The following ACSL4 variants were observed in gnomAD, a reference collection of about 807,000 sequenced individuals.
ACSL4 encodes long-chain-fatty-acid--CoA ligase 4.
A neutral mutation model predicts 49.1 loss-of-function variants in ACSL4; 9 were observed. The ratio of observed to expected loss-of-function variants is 0.18; its 90% CI spans 0.11 to 0.32. The LOEUF is 0.32. ACSL4 is among the 10% of genes least tolerant of loss of function. The pLI, the probability that ACSL4 is intolerant of heterozygous loss-of-function variation, is 1.00. For synonymous variants in ACSL4, 191 were observed against 170.3 expected (o/e 1.12, Z -0.95); for missense variants, 333 against 493.7 (o/e 0.67, Z 3.08).
intron 9 of ACSL4, among the ~76,000 whole-genome samples, chrX:109,673,132 T>C (rs1923405971): frequency 8.9e-6 from 1 of 111,987 alleles, no homozygotes; most frequent in African/African-American, 3.2e-5. Context: ...AAATCGGAGA[T>C]TACTTCTTTA....
At chrX:109,706,127 C>CA (rs1569438431) in intron 1 of ACSL4, among the ~76,000 whole-genome samples, 1 of 112,597 alleles carries the variant, frequency 8.9e-6, no homozygotes, top group Non-Finnish European at 1.9e-5. Context: ...ATTTATTCAT[C>CA]TACTCTTTAC....
intron 1 of ACSL4, among the ~76,000 whole-genome samples, chrX:109,704,340 C>T (rs1926189168): frequency 8.9e-6 from 1 of 111,996 alleles, no homozygotes; most frequent in Non-Finnish European, 1.9e-5. Flanking sequence ...ATCTTAGACC[C>T]ATTCTCTTCA....
At chrX:109,680,173 GTC>G (rs1047882775) in intron 6 of ACSL4, among the ~76,000 whole-genome samples, 1 of 111,425 alleles carries the variant, frequency 9.0e-6, no homozygotes, top group Admixed American at 9.5e-5. Flanking sequence ...GTAAAAAACT[GTC>G]CCTCATCTCA....
At chrX:109,682,577 A>G (rs1924249060) in intron 4 of ACSL4, 142 bp downstream of exon 4, 7 of 689,523 alleles carry the variant, frequency 1.0e-5, no homozygotes, top group Non-Finnish European at 1.6e-5. Flanking sequence ...TTTAGCCACA[A>G]TATTACATGC....
At position 109,674,383 on chromosome X, in the gene ACSL4, A is replaced by G; in HGVS notation, c.1002+19T>C. 8.6e-7 allele frequency: 1 copy of G among 1,161,609 alleles called. No homozygotes were observed. The highest frequency in any genetic ancestry group is 1.8e-5 in the South Asian group (1 of 55,875). ...ATATAAACAATCCTCTTATGTTCAT[A>G]TTCATATTCTGTACTCACCGGAACA... On this transcript the variant is annotated intron_variant, in intron 9 of 15. Coordinates refer to ENST00000672401, the MANE Select transcript of ACSL4 (RefSeq NM_001318510.2).
At chrX:109,706,151 G>A (rs1464857501) in intron 1 of ACSL4, among the ~76,000 whole-genome samples, 2 of 112,392 alleles carry the variant, frequency 1.8e-5, no homozygotes, top group African/African-American at 3.2e-5. Context: ...CTTCACAGAG[G>A]TTGTAAGAAT....
intron 1 of ACSL4, among the ~76,000 whole-genome samples, chrX:109,721,292 G>A (rs1927529936): frequency 8.9e-6 from 1 of 112,189 alleles, no homozygotes; most frequent in Admixed American, 9.5e-5. Flanking sequence ...ATCTTAGCAG[G>A]GCAGCTCTGC....
rs995696145 is a variant in ACSL4, at chrX:109,731,081, G to A, written c.-66+2058C>T. Among the ~76,000 whole-genome samples, 3 of 111,640 alleles carry A rather than the reference G, an allele frequency of 2.7e-5. No individual in the cohort carries two copies. The Admixed American group carries it at 2.9e-4, about 11-fold the overall frequency. The stretch of plus-strand genomic sequence containing the variant: ...CCCAACATTTGTAAAATGCTTCTGA[G>A]TTTATAGATTTTCACATATAATTAT... On this transcript the variant is annotated intron_variant, in intron 1 of 15. Transcript: ENST00000672401.
chrX:109,656,400 G>A (rs956832282), intron 15 of ACSL4, among the ~76,000 whole-genome samples: 1 of 110,802 alleles, frequency 9.0e-6, no homozygotes, highest in African/African-American at 3.3e-5. Flanking sequence ...TAATCATAAC[G>A]GAAACCTGGG....
chrX:109,657,792 C>G (rs1603400855), intron 15 of ACSL4, among the ~76,000 whole-genome samples: 1 of 111,819 alleles, frequency 8.9e-6, no homozygotes, highest in African/African-American at 3.3e-5. Flanking sequence ...GGAATCACCA[C>G]AGTGTCTTCC....
chrX:109,694,731 T>C (rs1288525842), intron 2 of ACSL4, among the ~76,000 whole-genome samples: 1 of 111,720 alleles, frequency 9.0e-6, no homozygotes, highest in East Asian at 2.8e-4. Context: ...TTTTTCTCAC[T>C]TCACCATGGA....
chrX:109,727,826 T>C (rs932041009), intron 1 of ACSL4, among the ~76,000 whole-genome samples: 1 of 111,479 alleles, frequency 9.0e-6, no homozygotes, highest in Non-Finnish European at 1.9e-5. Flanking sequence ...TGATGTTGTA[T>C]TGTGAATGCG....
intron 10 of ACSL4, 42 bp from the exon 11 acceptor site, chrX:109,668,315 T>C: frequency 9.2e-7 from 1 of 1,090,611 alleles, no homozygotes; most frequent in Non-Finnish European, 1.2e-6. Flanking sequence ...TACGCATACA[T>C]TATTCTTGGC....
In ACSL4 at chrX:109,698,954, T is replaced by C. The variant is rs144281600; in HGVS notation, c.-65-2758A>G. ...ACAAGTAAAGTCCATACTAAACTTG[T>C]GATAGCATCTGTTGGAAATGTTTCA... On this transcript the variant is annotated intron_variant, in intron 1 of 15. Coordinates refer to ENST00000672401, the MANE Select transcript of ACSL4 (RefSeq NM_001318510.2). Among the ~76,000 whole-genome samples, 767 of 112,744 alleles carry C rather than the reference T, an allele frequency of 6.8e-3. 4 individuals are homozygous for C. Among genetic ancestry groups the C allele is most frequent in the Admixed American group, 0.013 (135 of 10,655 alleles).
intron 2 of ACSL4, among the ~76,000 whole-genome samples, chrX:109,690,620 T>A (rs1371314209): frequency 1.8e-5 from 2 of 110,657 alleles, no homozygotes; most frequent in Non-Finnish European, 3.8e-5. Context: ...GATTTTAAAG[T>A]CCATGTTTTT....
intron 10 of ACSL4, 32 bp from the exon 11 acceptor site, chrX:109,668,305 T>C: frequency 4.5e-6 from 5 of 1,117,403 alleles, no homozygotes; most frequent in Non-Finnish European, 6.1e-6. Context: ...GATTTTAATG[T>C]ACGCATACAT....
At chrX:109,694,802 G>T (rs1014645821) in intron 2 of ACSL4, among the ~76,000 whole-genome samples, 2 of 111,327 alleles carry the variant, frequency 1.8e-5, no homozygotes, top group African/African-American at 6.5e-5. Flanking sequence ...GGGACTATAG[G>T]ACTAGGTAAA....
At chrX:109,707,946 T>C (rs931492410) in intron 1 of ACSL4, among the ~76,000 whole-genome samples, 4 of 111,009 alleles carry the variant, frequency 3.6e-5, no homozygotes, top group African/African-American at 1.3e-4. Context: ...GAATTACAGG[T>C]GATTTTTTTT....
intron 2 of ACSL4, among the ~76,000 whole-genome samples, chrX:109,687,494 C>T (rs1278071464): frequency 2.7e-5 from 3 of 111,695 alleles, no homozygotes; most frequent in African/African-American, 9.8e-5. Context: ...CTTAACACTG[C>T]ATGTTCTTAC....
Sources: gnomAD v4.1 joint callset for allele counts (sites outside exome capture counted in the v4.1 genomes callset) on GRCh38, gnomAD v4.1.1 for gene constraint, MANE v1.5 for transcripts, NCBI Gene and HGNC (gene_info 2026-07-23, HGNC 2026-07-21) for gene names.